CDK15: variants seen among roughly 807,000 people sequenced by gnomAD.
CDK15 encodes cyclin-dependent kinase 15.
A neutral mutation model predicts 60.3 loss-of-function variants in CDK15; 62 were observed. The ratio of observed to expected loss-of-function variants is 1.03; its 90% CI spans 0.84 to 1.27. The LOEUF (loss-of-function observed/expected upper bound fraction) is 1.27, where lower values mean the gene tolerates loss of function less well. Ranked by LOEUF, CDK15 falls within the 50% of genes most tolerant of loss-of-function variation. The pLI is 0.00. For missense variants in CDK15, 541 were observed against 527.8 expected, an observed-to-expected ratio of 1.03 and a Z score of -0.25; for synonymous variants, 194 against 195.7, an observed-to-expected ratio of 0.99 and a Z score of 0.07.
intron 6 of CDK15, among the ~76,000 whole-genome samples, chr2:201,831,879 T>C (rs544796293): frequency 6.6e-6 from 1 of 152,258 alleles, no homozygotes; most frequent in South Asian, 2.1e-4. Flanking sequence ...GTCTTGGCTC[T>C]GACTATTCCT....
chr2:201,868,908 G>A (rs1477616842), intron 10 of CDK15, among the ~76,000 whole-genome samples: 1 of 152,202 alleles, frequency 6.6e-6, no homozygotes, highest in African/African-American at 2.4e-5. Context: ...TGGAGAAATA[G>A]GAATGCTTAT....
rs945104906 is a variant in CDK15 at position 201,861,334 on chromosome 2, G to C, written c.1009+6397G>C. 4.5e-5 allele frequency: 44 copies of C among 988,272 alleles called. 1 individual carries two copies. The South Asian group carries it at 1.9e-3, about 42-fold the overall frequency. 61.2% of individuals were successfully genotyped at this position (988,272 alleles called of 1,614,324 possible). A position where few individuals can be genotyped will look rare whatever the true frequency, so the allele number is the denominator to read the frequency against. On this transcript the variant is annotated intron_variant, in intron 10 of 13. Coordinates refer to ENST00000652192, the MANE Select transcript of CDK15 (RefSeq NM_001366386.2). The stretch of plus-strand genomic sequence containing the variant: ...CCGATTCTACAGATGAGGAAACAGA[G>C]GCTTTCTCCTAGGCTCACAGAGAGG...
chr2:201,831,815 C>G (rs1442018832), intron 6 of CDK15, among the ~76,000 whole-genome samples: 2 of 152,136 alleles, frequency 1.3e-5, no homozygotes, highest in Non-Finnish European at 2.9e-5. Context: ...CATTTTCTGT[C>G]TTTTCTCTAG....
intron 12 of CDK15, chr2:201,889,263 C>T (rs888070900): frequency 2.0e-6 from 2 of 985,236 alleles, no homozygotes; most frequent in Non-Finnish European, 2.4e-6. Context: ...ATTTTGAGCA[C>T]CCCAGATTTA....
chr2:201,812,275 T>C (rs1695811281), intron 3 of CDK15, among the ~76,000 whole-genome samples: 1 of 151,644 alleles, frequency 6.6e-6, no homozygotes, highest in South Asian at 2.1e-4. Context: ...TATATATATA[T>C]ATCACTTTAG....
At position 201,812,188 on chromosome 2, in the gene CDK15, A is replaced by AC. The variant is rs1559113124; in HGVS notation, c.369-295_369-294insC. Among the ~76,000 whole-genome samples, 386 of 143,780 alleles carry AC rather than the reference A, an allele frequency of 2.7e-3. 2 individuals are homozygous for AC. Among genetic ancestry groups the AC allele is most frequent in the African/African-American group, 0.01 (359 of 35,098 alleles). 94.3% of individuals were successfully genotyped at this position (143,780 alleles called of 152,430 possible). A position where few individuals can be genotyped will look rare whatever the true frequency, so the allele number is the denominator to read the frequency against. On this transcript the variant is annotated intron_variant, in intron 3 of 13. Transcript: ENST00000652192. Reference sequence around the variant, plus strand: ...GATTCTGTCTCAAAAAAAAAAAAAAAAAACAAAAAAACAAAAAAACACTAC... The same window carrying AC: ...GATTCTGTCTCAAAAAAAAAAAAAAACAAACAAAAAAACAAAAAAACACTAC...
intron 10 of CDK15, among the ~76,000 whole-genome samples, chr2:201,859,423 G>A (rs565549804): frequency 6.6e-6 from 1 of 152,246 alleles, no homozygotes; most frequent in East Asian, 1.9e-4. Context: ...GAGCCACTCC[G>A]CTTTGAAGAC....
intron 5 of CDK15, 95 bp from the exon 6 acceptor site, chr2:201,823,570 A>G (rs4675229): frequency 0.95 from 1,071,217 of 1,122,450 alleles, 512,215 homozygotes; most frequent in East Asian, 1. Flanking sequence ...TGTACTTCGT[A>G]ATACCTTCTG....
intron 1 of CDK15, 101 bp from the exon 2 acceptor site, chr2:201,807,393 T>G (rs1323038425): frequency 4.0e-6 from 5 of 1,263,920 alleles, no homozygotes; most frequent in Non-Finnish European, 5.4e-6. Flanking sequence ...TAGAAAACAT[T>G]TGAAGAGTGA....
chr2:201,818,898 T>C (rs1164484754), intron 4 of CDK15, among the ~76,000 whole-genome samples: 1 of 152,162 alleles, frequency 6.6e-6, no homozygotes, highest in African/African-American at 2.4e-5. Flanking sequence ...GACCACTAAT[T>C]TAAAGATAAA....
At chr2:201,818,312 A>G (rs1389985668) in intron 4 of CDK15, among the ~76,000 whole-genome samples, 1 of 152,214 alleles carries the variant, frequency 6.6e-6, no homozygotes, top group Non-Finnish European at 1.5e-5. Context: ...CCTTAAAGAC[A>G]TCCCTATTTA....
intron 3 of CDK15, among the ~76,000 whole-genome samples, chr2:201,811,511 G>T (rs1175582643): frequency 6.6e-6 from 1 of 152,186 alleles, no homozygotes; most frequent in Admixed American, 6.5e-5. Context: ...TAAGAGAAAA[G>T]TTACATGGAG....
chr2:201,885,508 C>T (rs900635791), intron 12 of CDK15, among the ~76,000 whole-genome samples: 26 of 152,210 alleles, frequency 1.7e-4, no homozygotes, highest in African/African-American at 6.3e-4. Context: ...CTCCATAACA[C>T]ACTTCCTCAC....
intron 10 of CDK15, among the ~76,000 whole-genome samples, chr2:201,857,536 A>G (rs1698198297): frequency 6.6e-6 from 1 of 152,234 alleles, no homozygotes; most frequent in Admixed American, 6.5e-5. Context: ...TCATTCACCC[A>G]CACTCTTTCA....
intron 8 of CDK15, among the ~76,000 whole-genome samples, chr2:201,837,517 A>G (rs947368862): frequency 1.3e-5 from 2 of 150,492 alleles, no homozygotes; most frequent in Non-Finnish European, 3.0e-5. Context: ...GAAGGAAAGA[A>G]GGAAAGAATC....
intron 3 of CDK15, among the ~76,000 whole-genome samples, chr2:201,811,716 C>T (rs531861320): frequency 3.3e-5 from 5 of 152,216 alleles, no homozygotes; most frequent in South Asian, 2.1e-4. Context: ...CTTAGAAGCC[C>T]GCTGCAAGAA....
In CDK15 at chr2:201,809,253, T is replaced by C. The variant is rs571349181; in HGVS notation, c.368+1301T>C. ...GGCACCATGGACACTTCTGATCCTC[T>C]CTTCTGAGTTCTGACTTTGATTGTT... On this transcript the variant is annotated intron_variant, in intron 3 of 13. Coordinates refer to ENST00000652192, the MANE Select transcript of CDK15 (RefSeq NM_001366386.2). Among the ~76,000 whole-genome samples the C allele has an allele frequency of 8.5e-5, 13 of 152,328 alleles. No individual in the cohort carries two copies. In the South Asian group the frequency reaches 2.7e-3, roughly 32 times the overall value.
chr2:201,868,756 C>T (rs1698736025), intron 10 of CDK15, among the ~76,000 whole-genome samples: 1 of 151,300 alleles, frequency 6.6e-6, no homozygotes. Flanking sequence ...GACATTTATG[C>T]AGCCAACAGA....
At chr2:201,820,489 A>G (rs915205735) in intron 4 of CDK15, among the ~76,000 whole-genome samples, 5 of 152,212 alleles carry the variant, frequency 3.3e-5, no homozygotes, top group Non-Finnish European at 5.9e-5. Flanking sequence ...TATCAACCCT[A>G]TGAAGTAAGT....
Sources: allele counts gnomAD v4.1 joint callset (sites outside exome capture counted in the v4.1 genomes callset), GRCh38; gene constraint gnomAD v4.1.1; transcripts MANE v1.5; gene names NCBI Gene and HGNC (gene_info 2026-07-23, HGNC 2026-07-21).